NEBL: variants seen among roughly 807,000 people sequenced by gnomAD.
The protein encoded by NEBL is nebulette.
A neutral mutation model predicts 140.2 loss-of-function variants in NEBL; 122 were observed. That is an observed-to-expected ratio of 0.87 (90% CI 0.75 to 1.01). The LOEUF (loss-of-function observed/expected upper bound fraction) is 1.01, where lower values mean the gene tolerates loss of function less well. NEBL is among the 50% of genes least tolerant of loss of function. The pLI is 0.00. For missense variants in NEBL, 1,365 were observed against 1,231.3 expected (o/e 1.11, Z -1.62); for synonymous variants, 436 against 398.9 (o/e 1.09, Z -1.11).
chr10:21,288,490 C>T (rs376822160), intron 1 of NEBL, among the ~76,000 whole-genome samples: 2 of 141,792 alleles, frequency 1.4e-5, no homozygotes, highest in South Asian at 2.3e-4. Flanking sequence ...AAGCCCGACG[C>T]GGTGGCTCAT....
chr10:21,154,502 C>G (rs1840264756), intron 2 of NEBL, among the ~76,000 whole-genome samples: 1 of 146,960 alleles, frequency 6.8e-6, no homozygotes, highest in South Asian at 2.2e-4. Flanking sequence ...CAAGCTATAA[C>G]ATTAAATTTT....
chr10:21,183,961 T>C (rs926453871), intron 3 of NEBL, among the ~76,000 whole-genome samples: 2 of 152,202 alleles, frequency 1.3e-5, no homozygotes, highest in African/African-American at 4.8e-5. Context: ...TCTGCCGCCA[T>C]GTGAGACCTG....
At chr10:21,229,091 C>T (rs1256450166) in intron 3 of NEBL, among the ~76,000 whole-genome samples, 3 of 152,222 alleles carry the variant, frequency 2.0e-5, no homozygotes, top group African/African-American at 4.8e-5. Context: ...CCTCCCTATA[C>T]TCTAATCTGT....
At position 20,880,852 on chromosome 10, in the gene NEBL, T is replaced by C; in HGVS notation, c.422A>G (p.His141Arg). 6.2e-7 allele frequency: 1 copy of C among 1,614,182 alleles called. No individual in the cohort carries two copies. Among genetic ancestry groups the C allele is most frequent in the Non-Finnish European group, 8.5e-7 (1 of 1,180,022 alleles). ...TTTAACCTCAGGGGGCTCCTTCATG[T>C]GGGCATAATCTGAGAATCCTTTGGC... is the stretch of plus-strand genomic sequence containing the variant. ...DAAKGFSDYAHMKEPPEVKHA... is the reference protein window; with the variant it reads ...DAAKGFSDYARMKEPPEVKHA... The change falls in exon 5 of 28, where the codon CAC becomes CGC. Residue 141 changes from histidine (H) to arginine (R), a missense_variant. His to Arg is a conservative substitution (Grantham distance 29). Around this residue, in one of 2 missense-constraint regions of NEBL, gnomAD observed 1,323 missense variants for 1,154.8 expected, o/e 1.15. Transcript: ENST00000377122.
intron 9 of NEBL, among the ~76,000 whole-genome samples, chr10:20,854,870 A>G (rs1419283063): frequency 6.6e-6 from 1 of 152,124 alleles, no homozygotes. Flanking sequence ...TAGCCCACAG[A>G]GTACATCGTG....
intron 26 of NEBL, among the ~76,000 whole-genome samples, chr10:20,799,582 T>G (rs1330545924): frequency 6.6e-6 from 1 of 152,228 alleles, no homozygotes; most frequent in Non-Finnish European, 1.5e-5. Flanking sequence ...AAATTCAGTT[T>G]GCAAATAACA....
intron 3 of NEBL, among the ~76,000 whole-genome samples, chr10:20,987,798 AG>A (rs1180779001): frequency 6.6e-6 from 1 of 152,194 alleles, no homozygotes; most frequent in African/African-American, 2.4e-5. Flanking sequence ...CTTCTGTACC[AG>A]CACCCCTTAT....
chr10:20,981,558 C>T (rs756494711), intron 3 of NEBL, among the ~76,000 whole-genome samples: 3 of 152,084 alleles, frequency 2.0e-5, no homozygotes, highest in Non-Finnish European at 2.9e-5. Context: ...CTTCTGAAAA[C>T]TCAGCACTCC....
chr10:20,984,193 T>C (rs943125689), intron 3 of NEBL, among the ~76,000 whole-genome samples: 1 of 150,954 alleles, frequency 6.6e-6, no homozygotes, highest in East Asian at 1.9e-4. Context: ...CAAAAACACA[T>C]AGTAAAAATC....
At chr10:20,864,646 T>A (rs1185662921) in intron 7 of NEBL, among the ~76,000 whole-genome samples, 1 of 152,200 alleles carries the variant, frequency 6.6e-6, no homozygotes, top group African/African-American at 2.4e-5. Flanking sequence ...CTGCATTCTA[T>A]CCATTCTCAT....
chr10:21,196,318 TTTA>T (rs1841648964), intron 3 of NEBL, among the ~76,000 whole-genome samples: 3 of 131,370 alleles, frequency 2.3e-5, no homozygotes, highest in African/African-American at 7.3e-5. Flanking sequence ...TTTATTTTTA[TTTA>T]TTTATTTATT....
chr10:20,832,113 T>C (rs1198503055), intron 14 of NEBL, among the ~76,000 whole-genome samples: 1 of 152,138 alleles, frequency 6.6e-6, no homozygotes, highest in South Asian at 2.1e-4. Context: ...CATTATTCCC[T>C]TCACTGGCTC....
chr10:20,821,099 T>C (rs114258352), intron 19 of NEBL, among the ~76,000 whole-genome samples: 1,888 of 152,238 alleles, frequency 0.012, 35 homozygotes, highest in African/African-American at 0.042. Flanking sequence ...TTGAAAGAAA[T>C]CACTCTGGCT....
intron 2 of NEBL, among the ~76,000 whole-genome samples, chr10:21,100,308 T>C (rs1213504627): frequency 6.6e-6 from 1 of 152,230 alleles, no homozygotes; most frequent in African/African-American, 2.4e-5. Context: ...GTTTCTTTCA[T>C]CCCACTTGCC....
intron 13 of NEBL, among the ~76,000 whole-genome samples, chr10:20,836,005 A>G (rs1240933762): frequency 1.3e-5 from 2 of 152,160 alleles, no homozygotes; most frequent in Non-Finnish European, 2.9e-5. Flanking sequence ...TAACCTTTCC[A>G]GTTTACTCAT....
chr10:21,142,833 C>G (rs1839702784), intron 2 of NEBL, among the ~76,000 whole-genome samples: 1 of 152,122 alleles, frequency 6.6e-6, no homozygotes, highest in South Asian at 2.1e-4. Context: ...GCCTGAAGAT[C>G]TGAGGTGGGA....
At position 21,169,061 on chromosome 10, in the gene NEBL, AAAAAAAATATATATATATATATATAT is replaced by A. The variant is rs1840939640; in HGVS notation, c.164+3296_164+3321del. ...GAGACTCCGTCTACAAAAAAAAAAA[AAAAAAAATATATATATATATATATAT>A]ATATATATATATATATATATTTGGA... On this transcript the variant is annotated intron_variant, in intron 2 of 6. Transcript: ENST00000417816. Among the ~76,000 whole-genome samples, 10 of 41,746 alleles carry A rather than the reference AAAAAAAATATATATATATATATATAT, an allele frequency of 2.4e-4. 2 individuals are homozygous for A. The South Asian group carries it at 9.2e-3, about 38-fold the overall frequency. The allele number at this position is 41,746 out of a possible 152,430, so 27.4% of individuals were successfully genotyped here. A position where few individuals can be genotyped will look rare whatever the true frequency, so the allele number is the denominator to read the frequency against.
chr10:21,136,955 G>A (rs770676422), intron 2 of NEBL, among the ~76,000 whole-genome samples: 1 of 152,206 alleles, frequency 6.6e-6, no homozygotes, highest in African/African-American at 2.4e-5. Context: ...GGAGTTGATA[G>A]GTTCTTCTTT....
intron 1 of NEBL, among the ~76,000 whole-genome samples, chr10:21,272,287 C>G (rs955995327): frequency 6.6e-6 from 1 of 151,820 alleles, no homozygotes; most frequent in Non-Finnish European, 1.5e-5. Flanking sequence ...TTTTACGTGT[C>G]AAAAATAAAC....
Sources: gnomAD v4.1 joint callset for allele counts (sites outside exome capture counted in the v4.1 genomes callset) on GRCh38, gnomAD v4.1.1 for gene constraint, gnomAD v4.1.1 regional missense constraint, MANE v1.5 for transcripts, NCBI Gene and HGNC (gene_info 2026-07-23, HGNC 2026-07-21) for gene names.